Variants in DOK4 observed in about 807,000 individuals in gnomAD.
DOK4 encodes downstream of tyrosine kinase 4.
Under a neutral mutation model 40.1 loss-of-function variants are expected in DOK4, and 26 were observed. The observed-to-expected ratio is 0.65, with a 90% CI of 0.48 to 0.90. The LOEUF (loss-of-function observed/expected upper bound fraction) is 0.90, where lower values mean the gene tolerates loss of function less well. DOK4 is among the 40% of genes least tolerant of loss of function. The probability of loss-of-function intolerance (pLI) is 0.00; values close to 1 mark genes in which losing one functional copy is unlikely to be tolerated. For missense variants in DOK4, 392 were observed against 437.2 expected, an observed-to-expected ratio of 0.90 and a Z score of 0.92; for synonymous variants, 179 against 177.0, an observed-to-expected ratio of 1.01 and a Z score of -0.09.
chr16:57,472,108 C>T (rs1287850370), exon 9 of DOK4: 2 of 152,646 alleles, frequency 1.3e-5, no homozygotes, highest in African/African-American at 4.8e-5. Context: ...TAGCTCATCC[C>T]TCTGGGTGGT....
intron 5 of DOK4, 31 bp from the exon 6 acceptor site, chr16:57,475,013 C>G (rs1432250374): frequency 6.2e-7 from 1 of 1,600,050 alleles, no homozygotes; most frequent in Admixed American, 1.7e-5. Flanking sequence ...CAAGTGGGAC[C>G]AGAGTTGCCC....
chr16:57,474,922 A>G (rs1172786580), exon 6 of DOK4: 2 of 1,614,040 alleles, frequency 1.2e-6, no homozygotes, highest in Admixed American at 1.7e-5. Context: ...GGTGATCTGC[A>G]GCTTGCACTC....
intron 1 of DOK4, among the ~76,000 whole-genome samples, chr16:57,483,025 A>T (rs1228168534): frequency 6.6e-6 from 1 of 152,164 alleles, no homozygotes; most frequent in African/African-American, 2.4e-5. Flanking sequence ...CTTCACGGGG[A>T]AGGCTGGGTG....
chr16:57,476,042 CAG>C (rs1229103320), intron 2 of DOK4, 85 bp from the exon 3 acceptor site: 3 of 1,237,552 alleles, frequency 2.4e-6, no homozygotes, highest in African/African-American at 1.5e-5. Context: ...CTGCCTGCCA[CAG>C]GGGGCGGTGC....
chr16:57,480,705 A>G (rs1229175994), intron 1 of DOK4, among the ~76,000 whole-genome samples: 1 of 152,146 alleles, frequency 6.6e-6, no homozygotes, highest in African/African-American at 2.4e-5. Context: ...TGGAGCAGGA[A>G]GTGGGAGTAC....
intron 2 of DOK4, 183 bp from the exon 3 acceptor site, chr16:57,476,140 T>C: frequency 1.7e-6 from 1 of 591,484 alleles, no homozygotes; most frequent in Non-Finnish European, 3.0e-6. Context: ...AGAAGCCTCC[T>C]CCCCAAATTG....
At chr16:57,483,477 A>G (rs1325569131) in intron 1 of DOK4, among the ~76,000 whole-genome samples, 1 of 152,060 alleles carries the variant, frequency 6.6e-6, no homozygotes, top group Admixed American at 6.5e-5. Flanking sequence ...CAAAAAATGA[A>G]AAAATAAGCT....
chr16:57,474,459 A>G (rs2031046220), intron 6 of DOK4, among the ~76,000 whole-genome samples: 1 of 152,202 alleles, frequency 6.6e-6, no homozygotes, highest in African/African-American at 2.4e-5. Flanking sequence ...AGTCTTCACT[A>G]TAATTCTAGG....
In DOK4 at chr16:57,483,303, A is replaced by G. The variant is rs1224642103; in HGVS notation, c.-182+3002T>C. ...TGTTAAGCAAGCGAGGCGGCCCCCA[A>G]GCTGAGCCTGTGAAGGCCCAATAGG... On this transcript the variant is annotated intron_variant, in intron 1 of 8. Coordinates refer to ENST00000340099, the Ensembl canonical transcript of DOK4. Among the ~76,000 whole-genome samples the G allele has an allele frequency of 2.0e-5, 3 of 152,308 alleles. No individual in the cohort carries two copies. The South Asian group carries it at 6.2e-4, about 32-fold the overall frequency.
intron 1 of DOK4, among the ~76,000 whole-genome samples, chr16:57,482,374 T>TTG (rs1555517009): frequency 2.1e-5 from 3 of 144,842 alleles, no homozygotes; most frequent in Non-Finnish European, 3.0e-5. Context: ...TTTTTTTTTT[T>TTG]TTTTTTTTTT....
chr16:57,476,126 GGA>G, intron 2 of DOK4, 169 bp from the exon 3 acceptor site: 1 of 605,390 alleles, frequency 1.7e-6, no homozygotes, highest in Non-Finnish European at 2.9e-6. Context: ...CACCTCCCTG[GGA>G]GAGAAGCCTC....
chr16:57,475,350 A>T, intron 4 of DOK4, 131 bp from the exon 5 acceptor site: 1 of 1,482,602 alleles, frequency 6.7e-7, no homozygotes, highest in South Asian at 1.2e-5. Flanking sequence ...GTCTTGCCTC[A>T]ACCCTGAGGG....
At chr16:57,475,480 G>T (rs1212853553) in intron 4 of DOK4, 26 bp downstream of exon 4, 7 of 1,575,972 alleles carry the variant, frequency 4.4e-6, no homozygotes, top group Non-Finnish European at 6.1e-6. Flanking sequence ...AGGGGAGGCA[G>T]ATGGAGGCCC....
Position 57,479,668 on chromosome 16 carries a change from A to G in DOK4, c.-161T>C. The G allele has an allele frequency of 1.6e-6, 1 of 645,014 alleles. No homozygotes were observed. The highest frequency in any genetic ancestry group is 2.7e-6 in the Non-Finnish European group (1 of 373,270). The allele number at this position is 645,014 out of a possible 1,614,324, so 40.0% of individuals were successfully genotyped here. On this transcript the variant is annotated 5_prime_UTR_variant, in exon 2 of 9. Coordinates refer to ENST00000340099, the Ensembl canonical transcript of DOK4. This position sits in a 1 kb window ranked among gnomAD's most constrained non-coding sequence, Gnocchi z 5.8. Reference sequence around the variant, plus strand: ...TCACCCGCCTCAGCATTGTTCTAGCAGCTCCTTCGCCCCGCGCCTGCTGGA... The same window carrying G: ...TCACCCGCCTCAGCATTGTTCTAGCGGCTCCTTCGCCCCGCGCCTGCTGGA...
chr16:57,482,083 C>T (rs1320888438), intron 1 of DOK4, among the ~76,000 whole-genome samples: 3 of 152,070 alleles, frequency 2.0e-5, no homozygotes, highest in African/African-American at 7.2e-5. Flanking sequence ...CCAGGATGGT[C>T]TCGATCTCCT....
At chr16:57,476,730 C>T (rs1269524833) in intron 2 of DOK4, among the ~76,000 whole-genome samples, 1 of 152,234 alleles carries the variant, frequency 6.6e-6, no homozygotes, top group Non-Finnish European at 1.5e-5. Flanking sequence ...TGAGGCTCCT[C>T]CCACAGCATG....
intron 1 of DOK4, among the ~76,000 whole-genome samples, chr16:57,483,224 G>C (rs2031463780): frequency 6.6e-6 from 1 of 152,242 alleles, no homozygotes; most frequent in African/African-American, 2.4e-5. Flanking sequence ...GTGGGGTCAA[G>C]TGGTGAGGGG....
chr16:57,475,170 C>T (rs767983524), exon 5 of DOK4: 135 of 1,613,880 alleles, frequency 8.4e-5, no homozygotes, highest in Non-Finnish European at 1.1e-4. Context: ...TGAGGCGGGA[C>T]CCCAGACACT....
exon 8 of DOK4, chr16:57,473,627 G>C: frequency 6.2e-7 from 1 of 1,614,264 alleles, no homozygotes; most frequent in Non-Finnish European, 8.5e-7. Context: ...ATAGCTGGAG[G>C]CTTCGGCGAT....
Sources: gnomAD v4.1 joint callset for allele counts (sites outside exome capture counted in the v4.1 genomes callset) on GRCh38, gnomAD v4.1.1 for gene constraint, Gnocchi (gnomAD v3.1) non-coding constraint, MANE v1.5 for transcripts, NCBI Gene and HGNC (gene_info 2026-07-23, HGNC 2026-07-21) for gene names.